The following IMPG2 variants were observed in gnomAD, a reference collection of about 807,000 sequenced individuals.
IMPG2 encodes IPM 200.
In IMPG2, 91 loss-of-function variants were observed where a neutral mutation model predicts 129.2. The ratio of observed to expected loss-of-function variants is 0.70; its 90% CI spans 0.59 to 0.84. The LOEUF is 0.84. Ranked by LOEUF, IMPG2 falls within the 40% of genes least tolerant of loss-of-function variation. The pLI, the probability that IMPG2 is intolerant of heterozygous loss-of-function variation, is 0.00. For synonymous variants in IMPG2, 510 were observed against 517.7 expected (o/e 0.99, Z 0.20); for missense variants, 1,430 against 1,461.7 (o/e 0.98, Z 0.35).
intron 2 of IMPG2, among the ~76,000 whole-genome samples, chr3:101,310,559 CAAAAAAAAAAAAAAAAAAA>C (rs199570786): frequency 7.9e-6 from 1 of 126,490 alleles, no homozygotes. Context: ...GACCCTGTCT[CAAAAAAAAAAAAAAAAAAA>C]AAAAAAAAAA....
chr3:101,315,648 A>T (rs2058780904), intron 2 of IMPG2, among the ~76,000 whole-genome samples: 1 of 152,124 alleles, frequency 6.6e-6, no homozygotes, highest in South Asian at 2.1e-4. Context: ...TCTGAAACCC[A>T]CAACACTTCT....
chr3:101,288,678 C>A (rs1706972418), intron 4 of IMPG2, among the ~76,000 whole-genome samples: 1 of 152,054 alleles, frequency 6.6e-6, no homozygotes, highest in South Asian at 2.1e-4. Context: ...AACATAGGAA[C>A]AATAGACACT....
chr3:101,231,541 A>G (rs1399467272), intron 15 of IMPG2, among the ~76,000 whole-genome samples: 1 of 152,250 alleles, frequency 6.6e-6, no homozygotes, highest in East Asian at 1.9e-4. Context: ...TCCTTTCAGT[A>G]TGCTAAAGAT....
chr3:101,301,363 G>C (rs957996045), intron 3 of IMPG2, among the ~76,000 whole-genome samples: 1 of 152,188 alleles, frequency 6.6e-6, no homozygotes, highest in Non-Finnish European at 1.5e-5. Context: ...GCTTGACACA[G>C]GGTTGTCATA....
intron 2 of IMPG2, among the ~76,000 whole-genome samples, chr3:101,308,464 G>T (rs1490836696): frequency 6.6e-6 from 1 of 152,264 alleles, no homozygotes; most frequent in African/African-American, 2.4e-5. Context: ...AACACCACAT[G>T]TAAGCTGCCA....
At chr3:101,279,821 GA>G (rs1706874828) in intron 4 of IMPG2, among the ~76,000 whole-genome samples, 3 of 152,178 alleles carry the variant, frequency 2.0e-5, no homozygotes, top group Admixed American at 1.3e-4. Context: ...TTTTAATAGT[GA>G]TAAGTAGGAA....
At chr3:101,270,156 C>T (rs1347118157) in intron 7 of IMPG2, among the ~76,000 whole-genome samples, 1 of 151,762 alleles carries the variant, frequency 6.6e-6, no homozygotes, top group African/African-American at 2.4e-5. Flanking sequence ...AGGCTGGTCT[C>T]GAATTCCTGA....
At position 101,224,488 on chromosome 3, in the gene IMPG2, A is replaced by G. The variant is rs922412765; in HGVS notation, c.*2481T>C. 1 of 152,238 alleles carries G rather than the reference A, an allele frequency of 6.6e-6. No individual in the cohort carries two copies. The highest frequency in any genetic ancestry group is 1.5e-5 in the Non-Finnish European group (1 of 68,040). 9.4% of individuals were successfully genotyped at this position (152,238 alleles called of 1,614,324 possible). On this transcript the variant is annotated 3_prime_UTR_variant, in exon 19 of 19. Coordinates refer to ENST00000193391, the MANE Select transcript of IMPG2 (RefSeq NM_016247.4). Reference sequence around the variant, plus strand: ...AATACTCAGAAAATTTCATTCCTCAATTGTGCAGTGTAAATGACAGTTCAG... The same window carrying G: ...AATACTCAGAAAATTTCATTCCTCAGTTGTGCAGTGTAAATGACAGTTCAG...
At chr3:101,253,507 G>A (rs1429531408) in intron 11 of IMPG2, among the ~76,000 whole-genome samples, 189 bp downstream of exon 11, 1 of 152,078 alleles carries the variant, frequency 6.6e-6, no homozygotes, top group African/African-American at 2.4e-5. Context: ...CACTGCAGAA[G>A]GCTTAAATTT....
chr3:101,251,223 A>C (rs1706540772), intron 11 of IMPG2, among the ~76,000 whole-genome samples: 1 of 152,226 alleles, frequency 6.6e-6, no homozygotes, highest in Admixed American at 6.5e-5. Context: ...GCAGTAATAT[A>C]CCATTTCAGT....
intron 9 of IMPG2, among the ~76,000 whole-genome samples, chr3:101,265,130 C>A (rs1706708913): frequency 6.6e-6 from 1 of 152,018 alleles, no homozygotes; most frequent in Non-Finnish European, 1.5e-5. Flanking sequence ...CCAAAGCAAT[C>A]TACAGATTTG....
At chr3:101,276,781 G>C (rs1706844425) in intron 4 of IMPG2, 68 bp from the exon 5 acceptor site, 3 of 1,279,008 alleles carry the variant, frequency 2.3e-6, no homozygotes, top group Non-Finnish European at 2.3e-6. Context: ...GGATTTTTGG[G>C]GTTGTTTTCC....
intron 5 of IMPG2, 60 bp from the exon 6 acceptor site, chr3:101,275,805 A>T: frequency 8.0e-7 from 1 of 1,255,006 alleles, no homozygotes; most frequent in Non-Finnish European, 1.2e-6. Context: ...CAGAATTCCT[A>T]TCAGGAAATA....
chr3:101,300,528 TC>T (rs1707128850), intron 3 of IMPG2, among the ~76,000 whole-genome samples: 1 of 152,108 alleles, frequency 6.6e-6, no homozygotes, highest in Non-Finnish European at 1.5e-5. Flanking sequence ...AGGTATGGGC[TC>T]CCAAGTGAGA....
chr3:101,249,794 CA>C (rs11393591), intron 11 of IMPG2, among the ~76,000 whole-genome samples: 3,996 of 92,646 alleles, frequency 0.043, 132 homozygotes, highest in African/African-American at 0.12. Flanking sequence ...TGATTCATGT[CA>C]AAAAAAAAAA....
intron 10 of IMPG2, among the ~76,000 whole-genome samples, chr3:101,255,077 T>C (rs764605031): frequency 1.2e-4 from 19 of 152,104 alleles, no homozygotes; most frequent in African/African-American, 1.7e-4. Flanking sequence ...CTGTACAGCC[T>C]GTGGAACTGT....
In IMPG2 at chr3:101,222,806, ATTGC is replaced by A. The variant is rs968325582; in HGVS notation, c.*4159_*4162del. 2 of 152,216 alleles carry A rather than the reference ATTGC, an allele frequency of 1.3e-5. No individual in the cohort carries two copies. The highest frequency in any genetic ancestry group is 2.9e-5 in the Non-Finnish European group (2 of 68,036). 9.4% of individuals were successfully genotyped at this position (152,216 alleles called of 1,614,324 possible). ...AAACATATATTACTGTATGTACACT[ATTGC>A]TTAAGTATCATCACATAGTCCTGAT... On this transcript the variant is annotated 3_prime_UTR_variant, in exon 19 of 19. Coordinates refer to ENST00000193391, the MANE Select transcript of IMPG2 (RefSeq NM_016247.4).
At chr3:101,253,656 G>A in intron 11 of IMPG2, 40 bp downstream of exon 11, 5 of 1,377,664 alleles carry the variant, frequency 3.6e-6, no homozygotes, top group Non-Finnish European at 5.2e-6. Flanking sequence ...AAGAAGAGAA[G>A]CTTGAGGGCC....
chr3:101,239,872 G>C (rs1356704133), intron 14 of IMPG2, among the ~76,000 whole-genome samples: 1 of 152,128 alleles, frequency 6.6e-6, no homozygotes, highest in African/African-American at 2.4e-5. Flanking sequence ...TGAACAATGA[G>C]AACATATGGA....
Sources: gnomAD v4.1 joint callset for allele counts (sites outside exome capture counted in the v4.1 genomes callset) on GRCh38, gnomAD v4.1.1 for gene constraint, MANE v1.5 for transcripts, NCBI Gene and HGNC (gene_info 2026-07-23, HGNC 2026-07-21) for gene names.